Variants in PEX3 observed in about 807,000 individuals in gnomAD.
PEX3 encodes peroxin-3.
A neutral mutation model predicts 55.8 loss-of-function variants in PEX3; 30 were observed. The observed-to-expected ratio is 0.54, with a 90% CI of 0.40 to 0.73. PEX3 has a LOEUF of 0.73. PEX3 is among the 30% of genes least tolerant of loss of function. The pLI, the probability that PEX3 is intolerant of heterozygous loss-of-function variation, is 0.00. For missense variants in PEX3, 351 were observed against 432.8 expected, an observed-to-expected ratio of 0.81 and a Z score of 1.68; for synonymous variants, 135 against 148.4, an observed-to-expected ratio of 0.91 and a Z score of 0.66.
At chr6:143,484,121 A>G (rs1780281296) in intron 10 of PEX3, among the ~76,000 whole-genome samples, 1 of 152,138 alleles carries the variant, frequency 6.6e-6, no homozygotes, top group African/African-American at 2.4e-5. Flanking sequence ...GAAATGTATG[A>G]GATGTCATAT....
chr6:143,472,391 T>C, intron 8 of PEX3, 63 bp downstream of exon 8: 1 of 1,190,866 alleles, frequency 8.4e-7, no homozygotes, highest in Non-Finnish European at 1.2e-6. Flanking sequence ...TTTACTCTCT[T>C]GAAATTTTGA....
intron 4 of PEX3, among the ~76,000 whole-genome samples, chr6:143,469,447 T>A (rs573860402): frequency 6.6e-6 from 1 of 152,376 alleles, no homozygotes; most frequent in African/African-American, 2.4e-5. Context: ...CATTTTTTCA[T>A]GTGTCTGTTG....
rs1779972864 is a variant in PEX3, at chr6:143,464,958, A to G, written c.287+1961A>G. On this transcript the variant is annotated intron_variant, in intron 3 of 11. Coordinates refer to ENST00000367591, the MANE Select transcript of PEX3 (RefSeq NM_003630.3). This position sits in a 1 kb window ranked among gnomAD's most constrained non-coding sequence, Gnocchi z 5.8. Reference sequence around the variant, plus strand: ...GATAGTCTTATTTTGCCAACTTCATAACAGCAAATAAACAGTTATCACTGT... The same window carrying G: ...GATAGTCTTATTTTGCCAACTTCATGACAGCAAATAAACAGTTATCACTGT... Among the ~76,000 whole-genome samples, 1 of 152,004 alleles carries G rather than the reference A, an allele frequency of 6.6e-6. No individual in the cohort carries two copies. Among genetic ancestry groups the G allele is most frequent in the African/African-American group, 2.4e-5 (1 of 41,448 alleles).
Position 143,471,117 on chromosome 6 carries a change from CT to C in PEX3, c.456+35del. 2 of 1,602,922 alleles carry C rather than the reference CT, an allele frequency of 1.2e-6. No homozygotes were observed. Among genetic ancestry groups the C allele is most frequent in the Non-Finnish European group, 1.7e-6 (2 of 1,170,330 alleles). Reference sequence around the variant, plus strand: ...TTAATAGACTTAAATAGACATTGTTCTTTCCCTCAGGAGGTTCAAAGTTTAA... The same window carrying C: ...TTAATAGACTTAAATAGACATTGTTCTTCCCTCAGGAGGTTCAAAGTTTAA... On this transcript the variant is annotated intron_variant, in intron 5 of 11. Transcript: ENST00000367591. The surrounding 1 kb of genome is among the most constrained non-coding windows in gnomAD (Gnocchi z 5.4).
At chr6:143,460,850 G>C (rs921758375) in intron 2 of PEX3, among the ~76,000 whole-genome samples, 1 of 144,432 alleles carries the variant, frequency 6.9e-6, no homozygotes, top group African/African-American at 2.6e-5. Context: ...GGCAACAAGA[G>C]TGAAACTCTG....
Position 143,451,888 on chromosome 6 carries a change from G to GT in PEX3, c.73+777dup, listed in dbSNP as rs1290039359. Among the ~76,000 whole-genome samples the GT allele has an allele frequency of 5.3e-5, 8 of 152,196 alleles. No homozygotes were observed. The highest frequency in any genetic ancestry group is 1.2e-4 in the Non-Finnish European group (8 of 68,024). On this transcript the variant is annotated intron_variant, in intron 1 of 11. Transcript: ENST00000367591. This position sits in a 1 kb window ranked among gnomAD's most constrained non-coding sequence, Gnocchi z 4.1. Reference sequence around the variant, plus strand: ...CAGGGATTTGAAGGAGGGAATAAAAGTTTTGTGAATTATATGAAAAGGACA... The same window carrying GT: ...CAGGGATTTGAAGGAGGGAATAAAAGTTTTTGTGAATTATATGAAAAGGACA...
At chr6:143,484,154 A>G (rs1030692157) in intron 10 of PEX3, among the ~76,000 whole-genome samples, 10 of 152,294 alleles carry the variant, frequency 6.6e-5, no homozygotes, top group Non-Finnish European at 1.3e-4. Flanking sequence ...GACTAAATCT[A>G]CAACCCCAAC....
chr6:143,451,859 T>C lies in PEX3; in HGVS notation c.73+744T>C, dbSNP rs535414710. On this transcript the variant is annotated intron_variant, in intron 1 of 11. Transcript: ENST00000367591. The surrounding 1 kb of genome is among the most constrained non-coding windows in gnomAD (Gnocchi z 4.1). ...CCCTCATACAATGCTCATGTGATAA[T>C]ATTCAGGGATTTGAAGGAGGGAATA... is the stretch of plus-strand genomic sequence containing the variant. Among the ~76,000 whole-genome samples, 56 of 151,250 alleles carry C rather than the reference T, an allele frequency of 3.7e-4. No homozygotes were observed. The highest frequency in any genetic ancestry group is 1.3e-3 in the African/African-American group (54 of 40,532).
In PEX3 at chr6:143,482,293, G is replaced by T. The variant is rs1013464320; in HGVS notation, c.942-2859G>T. Among the ~76,000 whole-genome samples the T allele has an allele frequency of 4.6e-5, 7 of 151,986 alleles. No individual in the cohort carries two copies. Among genetic ancestry groups the T allele is most frequent in the Non-Finnish European group, 7.4e-5 (5 of 67,982 alleles). On this transcript the variant is annotated intron_variant, in intron 10 of 11. Coordinates refer to ENST00000367591, the MANE Select transcript of PEX3 (RefSeq NM_003630.3). This position sits in a 1 kb window ranked among gnomAD's most constrained non-coding sequence, Gnocchi z 5.5. Reference sequence around the variant, plus strand: ...TTAATAAACTGTTAGTTGACCGTTGGTTTTCTAAGTTAAACTCATGCTATC... The same window carrying T: ...TTAATAAACTGTTAGTTGACCGTTGTTTTTCTAAGTTAAACTCATGCTATC...
rs1445341714 is a variant in PEX3 at position 143,459,240 on chromosome 6, A to T, written c.205+24A>T. On this transcript the variant is annotated intron_variant, in intron 2 of 11. Coordinates refer to ENST00000367591, the MANE Select transcript of PEX3 (RefSeq NM_003630.3). The surrounding 1 kb of genome is among the most constrained non-coding windows in gnomAD (Gnocchi z 4.2). The stretch of plus-strand genomic sequence containing the variant: ...AGGTAAGACAGAGAAATATTTATAC[A>T]TGTGTAAAGTTGTTTGACGGTTGTA... The T allele has an allele frequency of 2.5e-6, 4 of 1,600,938 alleles. No homozygotes were observed. Among genetic ancestry groups the T allele is most frequent in the Non-Finnish European group, 3.4e-6 (4 of 1,168,530 alleles).
Position 143,465,105 on chromosome 6 carries a change from T to G in PEX3, c.287+2108T>G, listed in dbSNP as rs932367834. On this transcript the variant is annotated intron_variant, in intron 3 of 11. Coordinates refer to ENST00000367591, the MANE Select transcript of PEX3 (RefSeq NM_003630.3). The surrounding 1 kb of genome is among the most constrained non-coding windows in gnomAD (Gnocchi z 4.7). ...GTAGAACACTTCGAAAAGATTCGTT[T>G]AATTCTCTTTACTTTTTATTTCTCC... is the stretch of plus-strand genomic sequence containing the variant. Among the ~76,000 whole-genome samples, 2 of 152,040 alleles carry G rather than the reference T, an allele frequency of 1.3e-5. No individual in the cohort carries two copies. The highest frequency in any genetic ancestry group is 4.8e-5 in the African/African-American group (2 of 41,454).
rs1343327560 is a variant in PEX3 at position 143,450,842 on chromosome 6, A to G, written c.-201A>G. 41 of 753,410 alleles carry G rather than the reference A, an allele frequency of 5.4e-5. No homozygotes were observed. In the Admixed American group the frequency reaches 5.6e-4, roughly 10 times the overall value. The allele number at this position is 753,410 out of a possible 1,614,324, so 46.7% of individuals were successfully genotyped here. ...CGGCTGCGCGGCGGCAGCGGCAGAA[A>G]GCGTAGCTGCTTTGCTGTAGTCCAC... On this transcript the variant is annotated 5_prime_UTR_variant, in exon 1 of 12. Transcript: ENST00000367591.
In PEX3 at chr6:143,471,619, A is replaced by G. The variant is rs200807211; in HGVS notation, c.578+8A>G. 2,529 of 1,605,002 alleles carry G rather than the reference A, an allele frequency of 1.6e-3. 2 individuals are homozygous for G. The highest frequency in any genetic ancestry group is 2.0e-3 in the Non-Finnish European group (2,359 of 1,172,322). On this transcript the variant is annotated splice_region_variant and intron_variant, in intron 7 of 11. Transcript: ENST00000367591. This position sits in a 1 kb window ranked among gnomAD's most constrained non-coding sequence, Gnocchi z 5.4. ...GCAGAAGGTTTTAGGAAGGTAAGGC[A>G]TTTTTCTTTGACTTTTCTGACTTCT...
chr6:143,459,243 T>G lies in PEX3; in HGVS notation c.205+27T>G, dbSNP rs767069246. 5 of 1,599,288 alleles carry G rather than the reference T, an allele frequency of 3.1e-6. No individual in the cohort carries two copies. The East Asian group carries it at 1.1e-4, about 36-fold the overall frequency. On this transcript the variant is annotated intron_variant, in intron 2 of 11. Transcript: ENST00000367591. This position sits in a 1 kb window ranked among gnomAD's most constrained non-coding sequence, Gnocchi z 4.2. ...TAAGACAGAGAAATATTTATACATG[T>G]GTAAAGTTGTTTGACGGTTGTATTA...
chr6:143,481,654 A>G (rs1458847116), intron 10 of PEX3, among the ~76,000 whole-genome samples: 1 of 152,206 alleles, frequency 6.6e-6, no homozygotes, highest in Non-Finnish European at 1.5e-5. Context: ...CTGAAAAGAC[A>G]TTCAATAAAA....
Position 143,487,058 on chromosome 6 carries a change from G to A in PEX3, c.1038+1810G>A, listed in dbSNP as rs1780331900. ...TAGTTGGTAAAGGTAGGAAATGGGA[G>A]AATCAGAAAACAATCGAGAAAGGTG... On this transcript the variant is annotated intron_variant, in intron 11 of 11. Coordinates refer to ENST00000367591, the MANE Select transcript of PEX3 (RefSeq NM_003630.3). This position sits in a 1 kb window ranked among gnomAD's most constrained non-coding sequence, Gnocchi z 5.3. 6.6e-6 allele frequency among the ~76,000 whole-genome samples: 1 copy of A among 152,162 alleles called. No individual in the cohort carries two copies. The highest frequency in any genetic ancestry group is 2.4e-5 in the African/African-American group (1 of 41,452).
At position 143,451,498 on chromosome 6, in the gene PEX3, A is replaced by T. The variant is rs546031785; in HGVS notation, c.73+383A>T. ...TGGCACTCTTGATACTTTGGCTCTCACCCTTCTCAGGAGTTTAATAATAAT... is the reference window on the plus strand; with the variant it reads ...TGGCACTCTTGATACTTTGGCTCTCTCCCTTCTCAGGAGTTTAATAATAAT... On this transcript the variant is annotated intron_variant, in intron 1 of 11. Coordinates refer to ENST00000367591, the MANE Select transcript of PEX3 (RefSeq NM_003630.3). The surrounding 1 kb of genome is among the most constrained non-coding windows in gnomAD (Gnocchi z 4.1). 2.0e-5 allele frequency among the ~76,000 whole-genome samples: 3 copies of T among 152,178 alleles called. No individual in the cohort carries two copies. Among genetic ancestry groups the T allele is most frequent in the African/African-American group, 7.2e-5 (3 of 41,510 alleles).
chr6:143,473,895 G>A (rs1780110634), intron 8 of PEX3, among the ~76,000 whole-genome samples: 1 of 151,526 alleles, frequency 6.6e-6, no homozygotes, highest in Non-Finnish European at 1.5e-5. Context: ...GGGAGGCCAA[G>A]GCAAGAGGAT....
intron 10 of PEX3, 189 bp from the exon 11 acceptor site, chr6:143,484,963 G>T (rs746417534): frequency 1.8e-5 from 10 of 558,780 alleles, no homozygotes; most frequent in Non-Finnish European, 2.9e-5. Context: ...GTAAAAAAAC[G>T]CCAAAAGAAA....
Sources: gnomAD v4.1 joint callset for allele counts (sites outside exome capture counted in the v4.1 genomes callset) on GRCh38, gnomAD v4.1.1 for gene constraint, Gnocchi (gnomAD v3.1) non-coding constraint, MANE v1.5 for transcripts, NCBI Gene and HGNC (gene_info 2026-07-23, HGNC 2026-07-21) for gene names.